Variants in TMEM74 observed in about 807,000 individuals in gnomAD.
TMEM74 encodes the protein transmembrane protein 74.
A neutral mutation model predicts 18.1 loss-of-function variants in TMEM74; 13 were observed. That is an observed-to-expected ratio of 0.72 (90% confidence interval 0.47 to 1.14). The LOEUF is 1.14. TMEM74 is among the 50% of genes most tolerant of loss of function. TMEM74 has a pLI of 0.00. For synonymous variants in TMEM74, 159 were observed against 146.6 expected (o/e 1.08, Z -0.61); for missense variants, 372 against 375.9 (o/e 0.99, Z 0.09).
chr8:108,748,216 C>T (rs1813869926), intron 1 of TMEM74, among the ~76,000 whole-genome samples: 1 of 152,112 alleles, frequency 6.6e-6, no homozygotes, highest in African/African-American at 2.4e-5. Flanking sequence ...CACTACCTCA[C>T]TAAGCACCTG....
chr8:108,617,363 A>G (rs575521165), intron 2 of TMEM74, among the ~76,000 whole-genome samples: 3 of 152,202 alleles, frequency 2.0e-5, no homozygotes, highest in South Asian at 4.2e-4. Flanking sequence ...TGTTAATGCT[A>G]CTGATAACCT....
chr8:108,711,474 A>G (rs1174856302), intron 1 of TMEM74, among the ~76,000 whole-genome samples: 1 of 152,224 alleles, frequency 6.6e-6, no homozygotes, highest in Non-Finnish European at 1.5e-5. Flanking sequence ...TAACCTCTAC[A>G]ACCTTTTCTT....
intron 2 of TMEM74, among the ~76,000 whole-genome samples, chr8:108,642,359 AC>A (rs1293995381): frequency 6.7e-6 from 1 of 149,964 alleles, no homozygotes; most frequent in Non-Finnish European, 1.5e-5. Flanking sequence ...AGACTGTGTC[AC>A]TGCACTCCAC....
At chr8:108,696,527 A>G (rs1813283140) in intron 1 of TMEM74, among the ~76,000 whole-genome samples, 1 of 152,360 alleles carries the variant, frequency 6.6e-6, no homozygotes, top group South Asian at 2.1e-4. Context: ...TTGAAACACC[A>G]TGGTGCGGCA....
chr8:108,768,589 G>A (rs1168195290), intron 1 of TMEM74, among the ~76,000 whole-genome samples: 5 of 152,132 alleles, frequency 3.3e-5, no homozygotes, highest in Admixed American at 3.3e-4. Flanking sequence ...CCCAAGTGTT[G>A]TAGACTTTCA....
intron 1 of TMEM74, among the ~76,000 whole-genome samples, chr8:108,680,088 C>T (rs1365283913): frequency 1.3e-5 from 2 of 152,114 alleles, no homozygotes; most frequent in Non-Finnish European, 1.5e-5. Flanking sequence ...ACCAGAGGTA[C>T]AAGGAGGAGC....
intron 1 of TMEM74, among the ~76,000 whole-genome samples, chr8:108,738,962 A>G (rs1813773500): frequency 6.6e-6 from 1 of 152,208 alleles, no homozygotes; most frequent in Non-Finnish European, 1.5e-5. Flanking sequence ...TTCTGAAGTC[A>G]CATAGGGCAT....
chr8:108,637,740 A>T (rs1812621585), intron 2 of TMEM74, among the ~76,000 whole-genome samples: 1 of 152,122 alleles, frequency 6.6e-6, no homozygotes, highest in Non-Finnish European at 1.5e-5. Flanking sequence ...AGTACTTCTG[A>T]CCTCTAGAAA....
chr8:108,626,680 G>A (rs879665154), intron 2 of TMEM74: 6 of 151,966 alleles, frequency 3.9e-5, no homozygotes, highest in African/African-American at 1.2e-4. Flanking sequence ...TTCCTGGCTC[G>A]TAAGTGAAGA....
chr8:108,713,441 A>G (rs905572973), intron 1 of TMEM74, among the ~76,000 whole-genome samples: 10 of 152,230 alleles, frequency 6.6e-5, no homozygotes, highest in Non-Finnish European at 1.3e-4. Context: ...AAGACCAGAA[A>G]GATGCATTCA....
intron 1 of TMEM74, among the ~76,000 whole-genome samples, chr8:108,682,751 A>G (rs1050599877): frequency 3.3e-5 from 5 of 152,008 alleles, no homozygotes; most frequent in African/African-American, 1.2e-4. Flanking sequence ...ACAATATCCC[A>G]TAAATACTCT....
intron 2 of TMEM74, among the ~76,000 whole-genome samples, chr8:108,644,636 A>C (rs971308584): frequency 4.1e-5 from 6 of 146,074 alleles, no homozygotes; most frequent in African/African-American, 1.3e-4. Context: ...CTTTATAAAG[A>C]ACTTAAACAA....
intron 1 of TMEM74, among the ~76,000 whole-genome samples, chr8:108,708,822 A>AAAAAAAAAAAAAAAAAAAAAC (rs1813444909): frequency 6.7e-6 from 1 of 150,328 alleles, no homozygotes; most frequent in African/African-American, 2.4e-5. Context: ...AAAAAAAAAA[A>AAAAAAAAAAAAAAAAAAAAAC]AAAAAAAAAA....
chr8:108,741,294 A>G (rs1813797742), intron 1 of TMEM74, among the ~76,000 whole-genome samples: 1 of 152,348 alleles, frequency 6.6e-6, no homozygotes, highest in African/African-American at 2.4e-5. Context: ...ATATAAAAGT[A>G]AGATTCAAAT....
chr8:108,750,743 A>C (rs3019368), intron 1 of TMEM74, among the ~76,000 whole-genome samples: 59,851 of 151,884 alleles, frequency 0.39, 12,367 homozygotes, highest in African/African-American at 0.52. Flanking sequence ...CGCATACTCA[A>C]CTCCCAAGGG....
At chr8:108,687,919 G>T (rs925350521) in intron 1 of TMEM74, among the ~76,000 whole-genome samples, 1 of 152,082 alleles carries the variant, frequency 6.6e-6, no homozygotes, top group African/African-American at 2.4e-5. Context: ...TAGCCTGGGG[G>T]TTAGGAACCC....
intron 1 of TMEM74, among the ~76,000 whole-genome samples, chr8:108,682,693 CCTT>C (rs1813127705): frequency 6.6e-6 from 1 of 151,886 alleles, no homozygotes; most frequent in Non-Finnish European, 1.5e-5. Context: ...AATTAAATTA[CCTT>C]ATTTTCCTTA....
At chr8:108,756,141 A>G (rs1813957170) in intron 1 of TMEM74, among the ~76,000 whole-genome samples, 1 of 152,088 alleles carries the variant, frequency 6.6e-6, no homozygotes, top group Non-Finnish European at 1.5e-5. Context: ...TTAAAATTTC[A>G]AACGATTAGG....
At chr8:108,640,099 T>A (rs1812648261) in intron 2 of TMEM74, among the ~76,000 whole-genome samples, 1 of 149,730 alleles carries the variant, frequency 6.7e-6, no homozygotes, top group Non-Finnish European at 1.5e-5. Context: ...ATTCTTTTAC[T>A]CTTTTATAGT....
Sources: allele counts gnomAD v4.1 joint callset (sites outside exome capture counted in the v4.1 genomes callset), GRCh38; gene constraint gnomAD v4.1.1; transcripts MANE v1.5; gene names NCBI Gene and HGNC (gene_info 2026-07-23, HGNC 2026-07-21).